TRPM3: variants seen among roughly 807,000 people sequenced by gnomAD.
The protein encoded by TRPM3 is long transient receptor potential channel 3.
In TRPM3, 77 loss-of-function variants were observed where a neutral mutation model predicts 181.2. The observed-to-expected ratio is 0.42, with a 90% CI of 0.35 to 0.51. The LOEUF is 0.51. Among genes scored for constraint, TRPM3 ranks in the 20% least tolerant of loss-of-function variants. The pLI, the probability that TRPM3 is intolerant of heterozygous loss-of-function variation, is 0.01. For synonymous variants in TRPM3, 745 were observed against 796.4 expected (o/e 0.94, Z 1.09); for missense variants, 1,759 against 2,196.7 (o/e 0.80, Z 3.98).
At chr9:70,617,170 C>T (rs1014959129) in intron 17 of TRPM3, among the ~76,000 whole-genome samples, 2 of 152,148 alleles carry the variant, frequency 1.3e-5, no homozygotes, top group African/African-American at 4.8e-5. Flanking sequence ...GGCCGGCCTA[C>T]GAAGGCTCAG....
chr9:71,032,069 ATAT>A (rs1399101431), intron 1 of TRPM3, among the ~76,000 whole-genome samples: 6 of 9,764 alleles, frequency 6.1e-4, no homozygotes, highest in Non-Finnish European at 7.1e-4. Flanking sequence ...TATATATATT[ATAT>A]TATATTATAT....
intron 1 of TRPM3, among the ~76,000 whole-genome samples, chr9:71,090,038 G>GA (rs1237457416): frequency 2.0e-5 from 3 of 152,194 alleles, no homozygotes; most frequent in Non-Finnish European, 4.4e-5. Flanking sequence ...AGCCATCCTG[G>GA]ACTGCGTGCA....
intron 1 of TRPM3, among the ~76,000 whole-genome samples, chr9:70,932,914 G>A (rs912030707): frequency 9.9e-5 from 15 of 152,090 alleles, no homozygotes; most frequent in African/African-American, 2.4e-4. Context: ...TATACTTTAG[G>A]CTAGAGGTAC....
At chr9:71,291,573 C>A (rs2085815746) in intron 1 of TRPM3, among the ~76,000 whole-genome samples, 1 of 151,770 alleles carries the variant, frequency 6.6e-6, no homozygotes, top group Non-Finnish European at 1.5e-5. Flanking sequence ...CAAAATAGAC[C>A]CTAAGGCAAA....
At chr9:71,221,908 A>T (rs562489850) in intron 1 of TRPM3, among the ~76,000 whole-genome samples, 1 of 152,354 alleles carries the variant, frequency 6.6e-6, no homozygotes, top group South Asian at 2.1e-4. Context: ...AGCTGCAATG[A>T]GTGAATGTGT....
At chr9:70,741,575 T>C (rs770556351) in intron 8 of TRPM3, among the ~76,000 whole-genome samples, 3 of 152,088 alleles carry the variant, frequency 2.0e-5, no homozygotes, top group Non-Finnish European at 4.4e-5. Context: ...AGCCCAAATG[T>C]CCATCAATCA....
At chr9:71,304,149 T>C (rs1483066001) in intron 1 of TRPM3, among the ~76,000 whole-genome samples, 1 of 152,128 alleles carries the variant, frequency 6.6e-6, no homozygotes, top group Non-Finnish European at 1.5e-5. Flanking sequence ...CAAATTGAAC[T>C]TGGTGTACAT....
intron 1 of TRPM3, among the ~76,000 whole-genome samples, chr9:70,982,005 G>C (rs2097369178): frequency 6.6e-6 from 1 of 152,124 alleles, no homozygotes; most frequent in Non-Finnish European, 1.5e-5. Context: ...ACCTTACAAA[G>C]TTTCCTGACA....
Position 70,620,224 on chromosome 9 carries a change from G to T in TRPM3, c.1981C>A (p.Gln661Lys). ...LMVWAVLMKR[Q>K]KMALFFWQHG... ...TGCCAGAAGAACAGGGCCATCTTCT[G>T]CCGCTTCATGAGAACAGCCCACACC... Residue 661 changes from glutamine to lysine, a missense_variant, in exon 16 of 26, where the codon CAG becomes AAG. Physicochemically the swap from Gln to Lys is moderately conservative, Grantham distance 53. Transcript: ENST00000677713. 6.2e-7 allele frequency: 1 copy of T among 1,614,218 alleles called. No homozygotes were observed. The highest frequency in any genetic ancestry group is 8.5e-7 in the Non-Finnish European group (1 of 1,180,038).
chr9:71,379,601 T>C (rs188462137), intron 1 of TRPM3, among the ~76,000 whole-genome samples: 2 of 152,152 alleles, frequency 1.3e-5, no homozygotes, highest in East Asian at 3.9e-4. Flanking sequence ...ATTGATCTGG[T>C]GTGGGCTCTG....
At chr9:70,989,650 A>G (rs768100896) in intron 1 of TRPM3, among the ~76,000 whole-genome samples, 2 of 152,156 alleles carry the variant, frequency 1.3e-5, no homozygotes, top group Non-Finnish European at 2.9e-5. Context: ...ATTTTCTTTG[A>G]AAAGGGAACA....
chr9:71,245,882 C>G (rs913070283), intron 1 of TRPM3, among the ~76,000 whole-genome samples: 3 of 151,710 alleles, frequency 2.0e-5, no homozygotes, highest in African/African-American at 7.3e-5. Flanking sequence ...CTCAAGTGCC[C>G]CAAAGAGGGG....
chr9:70,783,722 C>T (rs941890155), intron 7 of TRPM3: 3 of 463,464 alleles, frequency 6.5e-6, no homozygotes, highest in Admixed American at 6.3e-5. Flanking sequence ...CCCAGCTTCT[C>T]TGAAGTTACC....
chr9:71,037,164 A>G (rs2058302835), intron 1 of TRPM3, among the ~76,000 whole-genome samples: 1 of 152,236 alleles, frequency 6.6e-6, no homozygotes, highest in Non-Finnish European at 1.5e-5. Flanking sequence ...TTGAGAATTA[A>G]CTGTATCTTG....
At chr9:71,131,216 C>G (rs905786246) in intron 1 of TRPM3, among the ~76,000 whole-genome samples, 4 of 152,162 alleles carry the variant, frequency 2.6e-5, no homozygotes, top group Admixed American at 2.6e-4. Flanking sequence ...ATATGCTGTT[C>G]CCTCTTCTAA....
rs143939893 is a variant in TRPM3 at position 70,854,386 on chromosome 9, G to A, written c.463-7795C>T. Among the ~76,000 whole-genome samples the A allele has an allele frequency of 1.8e-3, 271 of 152,260 alleles. 1 individual carries two copies. The highest frequency in any genetic ancestry group is 4.1e-3 in the Admixed American group (63 of 15,296). The stretch of plus-strand genomic sequence containing the variant: ...GTTGTTAAACAGGGGTGATCCTGAC[G>A]ACCTCACAGGACACTGTGTGGATTA... On this transcript the variant is annotated intron_variant, in intron 3 of 25. Coordinates refer to ENST00000677713, the MANE Select transcript of TRPM3 (RefSeq NM_001366145.2).
intron 1 of TRPM3, among the ~76,000 whole-genome samples, chr9:71,327,702 ACT>A (rs1174624044): frequency 6.6e-6 from 1 of 152,082 alleles, no homozygotes; most frequent in Non-Finnish European, 1.5e-5. Context: ...GTTTCCTTCC[ACT>A]CTTTTCCTCC....
intron 22 of TRPM3, among the ~76,000 whole-genome samples, chr9:70,574,164 A>C (rs1014632318): frequency 1.3e-5 from 2 of 152,146 alleles, no homozygotes. Flanking sequence ...CTCAGTTTCT[A>C]CACAAAATCC....
At chr9:71,264,166 T>C (rs1483874459) in intron 1 of TRPM3, among the ~76,000 whole-genome samples, 1 of 152,018 alleles carries the variant, frequency 6.6e-6, no homozygotes, top group Non-Finnish European at 1.5e-5. Context: ...TTTGACATAA[T>C]TGTAAAGATT....
Sources: allele counts gnomAD v4.1 joint callset (sites outside exome capture counted in the v4.1 genomes callset), GRCh38; gene constraint gnomAD v4.1.1; transcripts MANE v1.5; gene names NCBI Gene and HGNC (gene_info 2026-07-23, HGNC 2026-07-21).